Variants in GTF2E1 observed in about 807,000 individuals in gnomAD.
GTF2E1 encodes the protein TFIIE alpha subunit.
Under a neutral mutation model 34.9 loss-of-function variants are expected in GTF2E1, and 14 were observed. The observed-to-expected ratio is 0.40, with a 90% confidence interval of 0.27 to 0.63. The LOEUF is 0.63. Ranked by LOEUF, GTF2E1 falls within the 20% of genes least tolerant of loss-of-function variation. The pLI, the probability that GTF2E1 is intolerant of heterozygous loss-of-function variation, is 0.39. For synonymous variants in GTF2E1, 188 were observed against 192.9 expected, an observed-to-expected ratio of 0.97 and a Z score of 0.21; for missense variants, 469 against 557.7, an observed-to-expected ratio of 0.84 and a Z score of 1.60.
rs543610994 is a variant in GTF2E1 at position 120,770,898 on chromosome 3, G to A, written c.619G>A (p.Glu207Lys). The A allele has an allele frequency of 6.2e-7, 1 of 1,613,542 alleles. No individual in the cohort carries two copies. Among genetic ancestry groups the A allele is most frequent in the Non-Finnish European group, 8.5e-7 (1 of 1,179,560 alleles). ...VNLAYEILEP[E>K]PTEIPALKQS... ...CTTGGCCTATGAAATACTTGAGCCA[G>A]AACCCACAGAAATCCCAGCCCTGAA... Residue 207 changes from glutamate to lysine, a missense_variant, in exon 3 of 5, where the codon GAA (glutamate) becomes AAA (lysine). By Grantham distance (56) the Glu-to-Lys change is moderately conservative. Coordinates refer to ENST00000283875, the MANE Select transcript of GTF2E1 (RefSeq NM_005513.3).
intron 3 of GTF2E1, 95 bp from the exon 4 acceptor site, chr3:120,776,328 A>G (rs1193726899): frequency 2.9e-6 from 3 of 1,038,668 alleles, no homozygotes; most frequent in African/African-American, 3.2e-5. Flanking sequence ...ATTTACATGT[A>G]GTATTTCAGT....
intron 2 of GTF2E1, among the ~76,000 whole-genome samples, chr3:120,763,082 C>T (rs915268357): frequency 6.6e-6 from 1 of 152,120 alleles, no homozygotes; most frequent in African/African-American, 2.4e-5. Flanking sequence ...TTTAAGCAGT[C>T]TTATTTTTCC....
intron 2 of GTF2E1, among the ~76,000 whole-genome samples, chr3:120,761,601 A>G (rs1201570896): frequency 1.3e-5 from 2 of 152,148 alleles, no homozygotes; most frequent in African/African-American, 4.8e-5. Context: ...AATGTATCCC[A>G]GAGATTCTGA....
chr3:120,749,711 A>C (rs543540415), intron 1 of GTF2E1: 3 of 152,246 alleles, frequency 2.0e-5, no homozygotes, highest in African/African-American at 7.2e-5. Context: ...TATTGGTCTA[A>C]AATTCTCCTT....
chr3:120,760,108 C>T (rs150044763), intron 2 of GTF2E1, among the ~76,000 whole-genome samples: 1,987 of 152,272 alleles, frequency 0.013, 33 homozygotes, highest in African/African-American at 0.04. Context: ...TCTTTTATTT[C>T]GTTGAGCAGT....
Position 120,750,677 on chromosome 3 carries a change from G to T in GTF2E1, c.125G>T (p.Cys42Phe). Reference sequence around the variant, plus strand: ...TTGGACATCTTGATCAGGAACTCCTGTGTGAAAGAGGAGGATATGCTGGAG... The same window carrying T: ...TTGGACATCTTGATCAGGAACTCCTTTGTGAAAGAGGAGGATATGCTGGAG... ...LALDILIRNS[C>F]VKEEDMLELL... Residue 42 changes from cysteine to phenylalanine, a missense_variant, in exon 2 of 5, where the codon TGT (cysteine) becomes TTT (phenylalanine). By Grantham distance (205) the Cys-to-Phe change is radical. Transcript: ENST00000283875. 6.2e-7 allele frequency: 1 copy of T among 1,613,978 alleles called. No homozygotes were observed. Among genetic ancestry groups the T allele is most frequent in the Non-Finnish European group, 8.5e-7 (1 of 1,179,866 alleles).
At chr3:120,749,518 G>T (rs547373331) in intron 1 of GTF2E1, among the ~76,000 whole-genome samples, 76 of 152,170 alleles carry the variant, frequency 5.0e-4, no homozygotes, top group Admixed American at 1.7e-3. Flanking sequence ...TAATCATGTG[G>T]TTTTTGTCTT....
chr3:120,750,570 C>G lies in GTF2E1; in HGVS notation c.18C>G (p.Val6=). The G allele has an allele frequency of 6.2e-7, 1 of 1,610,962 alleles. No homozygotes were observed. The highest frequency in any genetic ancestry group is 8.5e-7 in the Non-Finnish European group (1 of 1,177,328). ...TGCTAAAGATGGCAGACCCAGATGT[C>G]CTCACTGAAGTTCCAGCAGCATTGA... The part of the protein sequence containing the change: MADPD[V]LTEVPAALKR... The change falls in exon 2 of 5, where the codon GTC becomes GTG. Residue 6 remains valine (V), a synonymous_variant. Transcript: ENST00000283875.
Position 120,781,327 on chromosome 3 carries a change from G to A in GTF2E1, c.1177G>A (p.Asp393Asn). 6.2e-7 allele frequency: 1 copy of A among 1,614,172 alleles called. No homozygotes were observed. The highest frequency in any genetic ancestry group is 8.5e-7 in the Non-Finnish European group (1 of 1,180,026). The change falls in exon 5 of 5, where the codon GAC becomes AAC. Residue 393 changes from aspartate (D) to asparagine (N), a missense_variant. Coordinates refer to ENST00000283875, the MANE Select transcript of GTF2E1 (RefSeq NM_005513.3). ...EDDEFEEVAD[D>N]PIVMVAGRPF... ...TGACGAGTTTGAAGAAGTAGCAGAT[G>A]ACCCCATTGTCATGGTGGCTGGCCG... is the stretch of plus-strand genomic sequence containing the variant.
intron 2 of GTF2E1, among the ~76,000 whole-genome samples, chr3:120,763,398 G>A (rs563865655): frequency 1.3e-5 from 2 of 152,232 alleles, no homozygotes; most frequent in South Asian, 4.1e-4. Flanking sequence ...TGAATTTTGG[G>A]GGGTGGTTTT....
intron 2 of GTF2E1, among the ~76,000 whole-genome samples, chr3:120,760,683 C>T (rs984913177): frequency 2.0e-5 from 3 of 152,080 alleles, no homozygotes; most frequent in Non-Finnish European, 2.9e-5. Context: ...TTGAGATAAT[C>T]GTGTGCTTTT....
chr3:120,750,456 C>T, intron 1 of GTF2E1, 67 bp from the exon 2 acceptor site: 1 of 922,078 alleles, frequency 1.1e-6, no homozygotes, highest in Non-Finnish European at 1.7e-6. Flanking sequence ...TCTGGCACTG[C>T]AAGGATAGTG....
intron 3 of GTF2E1, among the ~76,000 whole-genome samples, chr3:120,774,384 G>T (rs998907985): frequency 6.6e-6 from 1 of 152,072 alleles, no homozygotes; most frequent in African/African-American, 2.4e-5. Flanking sequence ...TAAAGTGAAT[G>T]CTGAAGAAGA....
intron 1 of GTF2E1, among the ~76,000 whole-genome samples, chr3:120,744,983 A>G (rs927243352): frequency 6.6e-6 from 1 of 151,984 alleles, no homozygotes; most frequent in African/African-American, 2.4e-5. Context: ...CAGTGGCTCA[A>G]TCATGGCTCA....
At chr3:120,751,882 C>A (rs1016988817) in intron 2 of GTF2E1, among the ~76,000 whole-genome samples, 1 of 152,062 alleles carries the variant, frequency 6.6e-6, no homozygotes, top group Non-Finnish European at 1.5e-5. Context: ...GTTCATAGAT[C>A]TGCTTTTTTA....
intron 2 of GTF2E1, among the ~76,000 whole-genome samples, chr3:120,763,429 A>G (rs1709281398): frequency 6.6e-6 from 1 of 152,188 alleles, no homozygotes; most frequent in Non-Finnish European, 1.5e-5. Context: ...TAAAATATTC[A>G]GTGGGAGGGG....
At chr3:120,751,620 A>C (rs1356252458) in intron 2 of GTF2E1, among the ~76,000 whole-genome samples, 1 of 152,330 alleles carries the variant, frequency 6.6e-6, no homozygotes, top group East Asian at 1.9e-4. Context: ...TTCATAACAC[A>C]ATTTAGAAAG....
chr3:120,768,967 G>C (rs1251202753), intron 2 of GTF2E1, among the ~76,000 whole-genome samples: 1 of 152,022 alleles, frequency 6.6e-6, no homozygotes, highest in Non-Finnish European at 1.5e-5. Context: ...TCTTTCTCAA[G>C]GATTCCTCAT....
chr3:120,771,827 G>A (rs745971531), intron 3 of GTF2E1, among the ~76,000 whole-genome samples: 5 of 152,154 alleles, frequency 3.3e-5, no homozygotes, highest in Non-Finnish European at 5.9e-5. Context: ...ATCCAGTACC[G>A]TGTGTCAGTT....
Sources: gnomAD v4.1 joint callset for allele counts (sites outside exome capture counted in the v4.1 genomes callset) on GRCh38, gnomAD v4.1.1 for gene constraint, MANE v1.5 for transcripts, NCBI Gene and HGNC (gene_info 2026-07-23, HGNC 2026-07-21) for gene names.